Variants in CMIP observed in about 807,000 individuals in gnomAD.
CMIP encodes the protein c-Maf inducing protein.
In CMIP, 13 loss-of-function variants were observed where a neutral mutation model predicts 97.3. The ratio of observed to expected loss-of-function variants is 0.13; its 90% CI spans 0.09 to 0.21. The LOEUF is 0.21. Among genes scored for constraint, CMIP ranks in the 10% least tolerant of loss-of-function variants. The pLI, the probability that CMIP is intolerant of heterozygous loss-of-function variation, is 1.00. For synonymous variants in CMIP, 538 were observed against 436.3 expected (o/e 1.23, Z -2.91); for missense variants, 847 against 1,024.9 (o/e 0.83, Z 2.37).
At position 81,675,304 on chromosome 16, in the gene CMIP, A is replaced by C. The variant is rs1182099437; in HGVS notation, c.1035-2971A>C. On this transcript the variant is annotated intron_variant, in intron 9 of 20. Coordinates refer to ENST00000537098, the MANE Select transcript of CMIP (RefSeq NM_198390.3). Reference sequence around the variant, plus strand: ...CTGCAACCTCTGCCTCCTGTCTTCAAGCAATTCTCATGCCTCAGCCACCCA... The same window carrying C: ...CTGCAACCTCTGCCTCCTGTCTTCACGCAATTCTCATGCCTCAGCCACCCA... Among the ~76,000 whole-genome samples the C allele has an allele frequency of 2.0e-5, 3 of 152,216 alleles. No individual in the cohort carries two copies. The South Asian group carries it at 6.2e-4, about 32-fold the overall frequency.
chr16:81,578,693 G>T lies in CMIP; in HGVS notation c.301-28874G>T, dbSNP rs114586412. Among the ~76,000 whole-genome samples, 633 of 152,352 alleles carry T rather than the reference G, an allele frequency of 4.2e-3. 5 individuals are homozygous for T. Among genetic ancestry groups the T allele is most frequent in the African/African-American group, 0.014 (602 of 41,586 alleles). On this transcript the variant is annotated intron_variant, in intron 1 of 20. Coordinates refer to ENST00000537098, the MANE Select transcript of CMIP (RefSeq NM_198390.3). ...ATAAAGACATTTTGGTTTTTTGCAC[G>T]TGGGAGACATCACAAAAGACTGTGC...
Position 81,510,264 on chromosome 16 carries a change from G to A in CMIP, c.300+64723G>A, listed in dbSNP as rs146726325. On this transcript the variant is annotated intron_variant, in intron 1 of 20. Transcript: ENST00000537098. ...TGCCCAGGAGCTCCACGGAGCAGGT[G>A]TCAGGGCCCTTGTTTCCCTGGGTGT... Among the ~76,000 whole-genome samples the A allele has an allele frequency of 8.6e-3, 1,310 of 152,284 alleles. 20 individuals are homozygous for A. Among genetic ancestry groups the A allele is most frequent in the African/African-American group, 0.03 (1,258 of 41,548 alleles).
At chr16:81,507,059 TG>T (rs560962227) in intron 1 of CMIP, among the ~76,000 whole-genome samples, 27 of 152,286 alleles carry the variant, frequency 1.8e-4, no homozygotes, top group South Asian at 1.5e-3. Flanking sequence ...GAGACCATCC[TG>T]GCTAACATGG....
chr16:81,615,749 T>G (rs565960483), intron 2 of CMIP, among the ~76,000 whole-genome samples: 3 of 151,970 alleles, frequency 2.0e-5, no homozygotes, highest in Admixed American at 6.6e-5. Context: ...GGTGTGTGTG[T>G]GGTGTATGTG....
intron 1 of CMIP, among the ~76,000 whole-genome samples, chr16:81,503,941 A>G (rs2150781804): frequency 6.6e-6 from 1 of 152,362 alleles, no homozygotes; most frequent in South Asian, 2.1e-4. Context: ...TGCTCCATGG[A>G]CTTTATATTT....
At position 81,696,515 on chromosome 16, in the gene CMIP, C is replaced by T. The variant is rs368344549; in HGVS notation, c.1531-45C>T. 42 of 1,562,130 alleles carry T rather than the reference C, an allele frequency of 2.7e-5. No homozygotes were observed. In the East Asian group the frequency reaches 3.0e-4, roughly 11 times the overall value. Reference sequence around the variant, plus strand: ...TGCAGATCATGGTCGCCCTTGTCACCGGGGCTGCATGCAGCTCACACTTGT... The same window carrying T: ...TGCAGATCATGGTCGCCCTTGTCACTGGGGCTGCATGCAGCTCACACTTGT... On this transcript the variant is annotated intron_variant, in intron 13 of 20. Transcript: ENST00000537098.
chr16:81,526,029 T>C (rs1482665587), intron 1 of CMIP, among the ~76,000 whole-genome samples: 1 of 151,746 alleles, frequency 6.6e-6, no homozygotes, highest in Non-Finnish European at 1.5e-5. Context: ...TGTGTGTTCG[T>C]CCATTCAGTT....
chr16:81,647,065 C>A (rs778267605), intron 3 of CMIP, among the ~76,000 whole-genome samples: 4 of 152,222 alleles, frequency 2.6e-5, no homozygotes, highest in Non-Finnish European at 4.4e-5. Flanking sequence ...AGTTTACCTT[C>A]CCACCAGCAA....
rs1235746046 is a variant in CMIP at position 81,655,861 on chromosome 16, A to G, written c.640-1914A>G. 6.6e-6 allele frequency among the ~76,000 whole-genome samples: 1 copy of G among 152,160 alleles called. No individual in the cohort carries two copies. Among genetic ancestry groups the G allele is most frequent in the African/African-American group, 2.4e-5 (1 of 41,452 alleles). On this transcript the variant is annotated intron_variant, in intron 4 of 20. Transcript: ENST00000537098. This position sits in a 1 kb window ranked among gnomAD's most constrained non-coding sequence, Gnocchi z 4.9. ...CTTAGGCAGCTGATCAGTCAATGGG[A>G]TAGTAGAGAACCTGTCATAATCAAA...
At chr16:81,500,418 C>T (rs544479560) in intron 1 of CMIP, among the ~76,000 whole-genome samples, 19 of 124,256 alleles carry the variant, frequency 1.5e-4, no homozygotes, top group African/African-American at 5.5e-4. Flanking sequence ...TCCCTCCTCC[C>T]TCCCCTCCCT....
chr16:81,542,511 C>T (rs977458903), intron 1 of CMIP, among the ~76,000 whole-genome samples: 3 of 152,130 alleles, frequency 2.0e-5, no homozygotes, highest in African/African-American at 7.2e-5. Context: ...GTGTGTTTTT[C>T]TGGACCTTCA....
chr16:81,626,609 G>A (rs1471560728), intron 3 of CMIP, among the ~76,000 whole-genome samples: 1 of 147,184 alleles, frequency 6.8e-6, no homozygotes, highest in African/African-American at 2.5e-5. Flanking sequence ...GTGACGGTGT[G>A]CGTGTGTGTG....
At chr16:81,685,731 CTT>C (rs1366680039) in intron 10 of CMIP, among the ~76,000 whole-genome samples, 1 of 138,358 alleles carries the variant, frequency 7.2e-6, no homozygotes, top group Non-Finnish European at 1.6e-5. Flanking sequence ...TTTTTTTTAA[CTT>C]TTTTTTTCTT....
chr16:81,535,519 G>A (rs1275023269), intron 1 of CMIP, among the ~76,000 whole-genome samples: 2 of 148,560 alleles, frequency 1.3e-5, no homozygotes, highest in Non-Finnish European at 3.0e-5. Context: ...TCTAAGTGGA[G>A]CTAGTCAGAA....
At chr16:81,657,380 C>T (rs2092495517) in intron 4 of CMIP, among the ~76,000 whole-genome samples, 1 of 152,198 alleles carries the variant, frequency 6.6e-6, no homozygotes, top group Admixed American at 6.5e-5. Flanking sequence ...TGTTTCTTTA[C>T]ATACTTATTA....
intron 3 of CMIP, among the ~76,000 whole-genome samples, chr16:81,623,336 G>A (rs1162890184): frequency 1.3e-5 from 2 of 152,184 alleles, no homozygotes; most frequent in East Asian, 1.9e-4. Context: ...GGTGGCATCC[G>A]GTTTATTTAT....
intron 2 of CMIP, among the ~76,000 whole-genome samples, chr16:81,611,176 A>G (rs967342804): frequency 5.9e-5 from 9 of 152,222 alleles, no homozygotes; most frequent in Admixed American, 1.3e-4. Context: ...GGGGCCACAC[A>G]TGGCCAAAGG....
chr16:81,615,387 GGTGT>G (rs1008395514), intron 2 of CMIP, among the ~76,000 whole-genome samples: 1 of 144,506 alleles, frequency 6.9e-6, no homozygotes, highest in Non-Finnish European at 1.5e-5. Context: ...GTGTGTGTAT[GGTGT>G]GTGTGTGGTG....
In CMIP at chr16:81,466,005, T is replaced by C. The variant is rs181238783; in HGVS notation, c.300+20464T>C. 3.6e-3 allele frequency among the ~76,000 whole-genome samples: 542 copies of C among 152,170 alleles called. 3 individuals are homozygous for C. Among genetic ancestry groups the C allele is most frequent in the Non-Finnish European group, 5.3e-3 (361 of 68,006 alleles). On this transcript the variant is annotated intron_variant, in intron 1 of 20. Coordinates refer to ENST00000537098, the MANE Select transcript of CMIP (RefSeq NM_198390.3). ...GTCGATGATGAAAAATACATCCTTGTCCTTTCCTTTTTCTTTTCTTCTCTC... is the reference window on the plus strand; with the variant it reads ...GTCGATGATGAAAAATACATCCTTGCCCTTTCCTTTTTCTTTTCTTCTCTC...
Sources: gnomAD v4.1 joint callset for allele counts (sites outside exome capture counted in the v4.1 genomes callset) on GRCh38, gnomAD v4.1.1 for gene constraint, Gnocchi (gnomAD v3.1) non-coding constraint, MANE v1.5 for transcripts, NCBI Gene and HGNC (gene_info 2026-07-23, HGNC 2026-07-21) for gene names.